MOGAT1: variants seen among roughly 807,000 people sequenced by gnomAD.
MOGAT1 encodes the protein monoacylglycerol O-acyltransferase 1.
MOGAT1 carries 32 observed loss-of-function variants against 31.4 expected under a neutral mutation model. That is an observed-to-expected ratio of 1.02 (90% CI 0.77 to 1.37). MOGAT1 has a LOEUF of 1.37. MOGAT1 is among the 40% of genes most tolerant of loss of function. The pLI, the probability that MOGAT1 is intolerant of heterozygous loss-of-function variation, is 0.00. For missense variants in MOGAT1, 426 were observed against 402.0 expected (o/e 1.06, Z -0.51); for synonymous variants, 145 against 144.5 (o/e 1.00, Z -0.03).
At chr2:222,700,592 GA>G (rs1223540113) in intron 5 of MOGAT1, among the ~76,000 whole-genome samples, 1 of 152,168 alleles carries the variant, frequency 6.6e-6, no homozygotes. Context: ...GACCTGCTAT[GA>G]TCTTAAGGTA....
chr2:222,697,961 G>A (rs1045537741), intron 5 of MOGAT1, among the ~76,000 whole-genome samples: 3 of 151,960 alleles, frequency 2.0e-5, no homozygotes, highest in Non-Finnish European at 4.4e-5. Context: ...ACATGTGCCC[G>A]TGAGCACCCA....
At chr2:222,672,859 G>A (rs6717807) in intron 1 of MOGAT1, among the ~76,000 whole-genome samples, 128,320 of 150,340 alleles carry the variant, frequency 0.85, 55,662 homozygotes, top group African/African-American at 0.97. Flanking sequence ...TCTAAAAAGT[G>A]CAGATGCCCA....
At chr2:222,674,439 C>A (rs1301394540) in intron 1 of MOGAT1, among the ~76,000 whole-genome samples, 1 of 152,068 alleles carries the variant, frequency 6.6e-6, no homozygotes, top group Non-Finnish European at 1.5e-5. Context: ...TATTTTAAAA[C>A]AAATCACTTT....
At chr2:222,672,537 A>G (rs1288740883) in intron 1 of MOGAT1, among the ~76,000 whole-genome samples, 1 of 152,178 alleles carries the variant, frequency 6.6e-6, no homozygotes, top group Non-Finnish European at 1.5e-5. Flanking sequence ...TAGATGGGGC[A>G]AAAACGTGGG....
At chr2:222,702,450 A>G (rs1366037772) in intron 5 of MOGAT1, among the ~76,000 whole-genome samples, 1 of 152,192 alleles carries the variant, frequency 6.6e-6, no homozygotes. Context: ...GATTCACATG[A>G]TTGAATCATT....
chr2:222,709,694 T>A (rs750293343), intron 5 of MOGAT1, 42 bp from the exon 6 acceptor site: 1 of 1,582,006 alleles, frequency 6.3e-7, no homozygotes, highest in Non-Finnish European at 8.6e-7. Flanking sequence ...TGTGGTGGAG[T>A]GGTTTTAGTT....
chr2:222,680,765 T>C (rs1235879015), intron 1 of MOGAT1, among the ~76,000 whole-genome samples: 1 of 152,180 alleles, frequency 6.6e-6, no homozygotes, highest in Non-Finnish European at 1.5e-5. Flanking sequence ...ACAGTTTTCA[T>C]GCAGAAAAAA....
chr2:222,688,502 AAGGACT>A lies in MOGAT1; in HGVS notation c.255_260del (p.Lys85_Tyr87delinsAsn), dbSNP rs1278998639. 1 of 1,611,748 alleles carries A rather than the reference AAGGACT, an allele frequency of 6.2e-7. No individual in the cohort carries two copies. The highest frequency in any genetic ancestry group is 1.3e-5 in the African/African-American group (1 of 74,918). On this transcript the variant is annotated inframe_deletion, in exon 2 of 6. Transcript: ENST00000446656. ...AAATTGGACTCTTTGGAAACACTTTAAGGACTATTTTCCAATTCATGTGAGTACAGT... is the reference window on the plus strand; with the variant it reads ...AAATTGGACTCTTTGGAAACACTTTAATTTTCCAATTCATGTGAGTACAGT...
intron 5 of MOGAT1, among the ~76,000 whole-genome samples, chr2:222,701,046 C>G (rs576147557): frequency 1.3e-5 from 2 of 152,308 alleles, no homozygotes; most frequent in Admixed American, 1.3e-4. Context: ...CAAATCATCA[C>G]CTTAGCTAAA....
chr2:222,686,193 G>T (rs923920956), intron 1 of MOGAT1, among the ~76,000 whole-genome samples: 2 of 152,190 alleles, frequency 1.3e-5, no homozygotes, highest in Admixed American at 6.5e-5. Flanking sequence ...ACCATTAGCT[G>T]GAGGATAGCG....
chr2:222,704,486 T>A (rs548311192), intron 5 of MOGAT1, among the ~76,000 whole-genome samples: 45 of 152,022 alleles, frequency 3.0e-4, no homozygotes, highest in African/African-American at 9.9e-4. Context: ...TAGCCGGGCG[T>A]GGTGGTGGAC....
Position 222,709,719 on chromosome 2 carries a change from T to C in MOGAT1, c.854-17T>C. The stretch of plus-strand genomic sequence containing the variant: ...TGGTTTTAGTTCCTCACGTATGATG[T>C]ATTCCCTGATTTGCAGTTGGCCGCC... On this transcript the variant is annotated splice_polypyrimidine_tract_variant and intron_variant, in intron 5 of 5. Transcript: ENST00000446656. 1.2e-6 allele frequency: 2 copies of C among 1,611,566 alleles called. No individual in the cohort carries two copies. The highest frequency in any genetic ancestry group is 1.7e-6 in the Non-Finnish European group (2 of 1,178,804).
At chr2:222,672,935 C>T (rs1410930098) in intron 1 of MOGAT1, among the ~76,000 whole-genome samples, 2 of 83,010 alleles carry the variant, frequency 2.4e-5, no homozygotes, top group Admixed American at 1.2e-4. Context: ...ATCTTTGAGA[C>T]GGAGTTTCAC....
chr2:222,681,788 G>C (rs567848672), intron 1 of MOGAT1, among the ~76,000 whole-genome samples: 1 of 152,238 alleles, frequency 6.6e-6, no homozygotes, highest in African/African-American at 2.4e-5. Flanking sequence ...AAGGGATTGG[G>C]AGCTCAGCGT....
intron 1 of MOGAT1, among the ~76,000 whole-genome samples, chr2:222,673,997 T>C (rs1692461547): frequency 6.6e-6 from 1 of 152,228 alleles, no homozygotes; most frequent in Non-Finnish European, 1.5e-5. Context: ...CCTAGAGTAT[T>C]AACTCATGTA....
In MOGAT1 at chr2:222,689,020, G is replaced by C. The variant is rs187531661; in HGVS notation, c.274-245G>C. Among the ~76,000 whole-genome samples the C allele has an allele frequency of 9.2e-5, 14 of 152,308 alleles. No homozygotes were observed. In the East Asian group the frequency reaches 1.4e-3, roughly 15 times the overall value. The stretch of plus-strand genomic sequence containing the variant: ...CATTCAAACCATAGCAGGGAGAAAG[G>C]CTGCAATTTGGTTCCAATTACTAAA... On this transcript the variant is annotated intron_variant, in intron 2 of 5. Transcript: ENST00000446656.
chr2:222,684,017 C>T (rs1404252242), intron 1 of MOGAT1, among the ~76,000 whole-genome samples: 1 of 152,136 alleles, frequency 6.6e-6, no homozygotes, highest in Non-Finnish European at 1.5e-5. Context: ...ATCAGATTAC[C>T]CTGAATTGCT....
intron 1 of MOGAT1, among the ~76,000 whole-genome samples, chr2:222,683,726 C>CA (rs111928243): frequency 1.3e-3 from 189 of 146,628 alleles, no homozygotes; most frequent in Middle Eastern, 3.5e-3. Context: ...GACTCCGTTT[C>CA]AAAAAAAAAA....
rs116514478 is a variant in MOGAT1, at chr2:222,691,582, C to A, written c.478+2113C>A. Among the ~76,000 whole-genome samples the A allele has an allele frequency of 8.3e-3, 1,261 of 152,298 alleles. 8 individuals carry two copies. The highest frequency in any genetic ancestry group is 0.014 in the Middle Eastern group (4 of 294). On this transcript the variant is annotated intron_variant, in intron 3 of 5. Transcript: ENST00000446656. ...GTTCCTTAAAAGGTAAATAGAAATA[C>A]TCAAACTTTCAGCCAGTGGAGGTTT...
Sources: gnomAD v4.1 joint callset for allele counts (sites outside exome capture counted in the v4.1 genomes callset) on GRCh38, gnomAD v4.1.1 for gene constraint, MANE v1.5 for transcripts, NCBI Gene and HGNC (gene_info 2026-07-23, HGNC 2026-07-21) for gene names.